The following CADM1 variants were observed in gnomAD, a reference collection of about 807,000 sequenced individuals.
The protein encoded by CADM1 is TSLC-1.
A neutral mutation model predicts 53.1 loss-of-function variants in CADM1; 15 were observed. That is an observed-to-expected ratio of 0.28 (90% CI 0.19 to 0.44). CADM1 has a LOEUF of 0.44. CADM1 is among the 20% of genes least tolerant of loss of function. The pLI is 1.00. For missense variants in CADM1, 434 were observed against 611.3 expected (o/e 0.71, Z 3.06); for synonymous variants, 281 against 243.0 (o/e 1.16, Z -1.45).
intron 1 of CADM1, among the ~76,000 whole-genome samples, chr11:115,334,814 G>C (rs1383405020): frequency 6.6e-6 from 1 of 152,078 alleles, no homozygotes. Context: ...CAGTGTAATA[G>C]GAAATATACA....
intron 1 of CADM1, among the ~76,000 whole-genome samples, chr11:115,295,481 T>C (rs1944026388): frequency 1.5e-5 from 2 of 137,804 alleles, no homozygotes; most frequent in African/African-American, 2.6e-5. Context: ...CTGCAATCCA[T>C]ACTATATGCT....
intron 5 of CADM1, 120 bp from the exon 6 acceptor site, chr11:115,218,111 A>G: frequency 2.8e-6 from 2 of 710,834 alleles, no homozygotes. Flanking sequence ...CGATGCCTTC[A>G]GTAACACCCT....
chr11:115,175,349 T>C lies in CADM1; in HGVS notation c.*1125A>G. 14 of 965,496 alleles carry C rather than the reference T, an allele frequency of 1.5e-5. No individual in the cohort carries two copies. The highest frequency in any genetic ancestry group is 1.7e-5 in the Non-Finnish European group (14 of 815,656). 59.8% of individuals were successfully genotyped at this position (965,496 alleles called of 1,614,324 possible). On this transcript the variant is annotated 3_prime_UTR_variant, in exon 12 of 12. Coordinates refer to ENST00000331581, the MANE Select transcript of CADM1 (RefSeq NM_001301043.2). The stretch of plus-strand genomic sequence containing the variant: ...TATACAGTACATGCAGGCCACATCC[T>C]ACTGCCTTCCTAACTAAGCACAAAG...
intron 1 of CADM1, among the ~76,000 whole-genome samples, chr11:115,264,736 T>C (rs7937516): frequency 0.03 from 4,559 of 152,264 alleles, 248 homozygotes; most frequent in African/African-American, 0.1. Flanking sequence ...TTAAGAACCA[T>C]TGTAACTGAT....
chr11:115,421,951 C>T lies in CADM1; in HGVS notation c.124+82320G>A, dbSNP rs146042348. Among the ~76,000 whole-genome samples the T allele has an allele frequency of 1.9e-3, 282 of 152,328 alleles. 1 individual carries two copies. Among genetic ancestry groups the T allele is most frequent in the African/African-American group, 6.4e-3 (267 of 41,574 alleles). On this transcript the variant is annotated intron_variant, in intron 1 of 11. Transcript: ENST00000331581. ...ATTAGGGCTTTGTCACAGATCCGCA[C>T]ACAGGCTTATGCCCTAAGGGTATGC...
intron 1 of CADM1, among the ~76,000 whole-genome samples, chr11:115,284,633 T>C (rs895774618): frequency 6.6e-6 from 1 of 152,160 alleles, no homozygotes. Flanking sequence ...GTTCCTCCTT[T>C]TCTATTTTTT....
intron 8 of CADM1, among the ~76,000 whole-genome samples, chr11:115,208,789 T>G (rs1940814824): frequency 6.6e-6 from 1 of 152,102 alleles, no homozygotes; most frequent in African/African-American, 2.4e-5. Context: ...AGAAACCCCA[T>G]GGCTCCCAGA....
intron 1 of CADM1, among the ~76,000 whole-genome samples, chr11:115,341,758 G>T (rs568402579): frequency 6.6e-6 from 1 of 152,280 alleles, no homozygotes; most frequent in Non-Finnish European, 1.5e-5. Context: ...ATAATATAAA[G>T]ATCCTTTTTT....
At chr11:115,380,472 C>T (rs11608105) in intron 1 of CADM1, among the ~76,000 whole-genome samples, 3,862 of 152,240 alleles carry the variant, frequency 0.025, 57 homozygotes, top group Non-Finnish European at 0.039. Context: ...TAATGATTAT[C>T]TGAGATGGAA....
At chr11:115,357,161 C>A (rs1945895974) in intron 1 of CADM1, among the ~76,000 whole-genome samples, 1 of 152,146 alleles carries the variant, frequency 6.6e-6, no homozygotes, top group Non-Finnish European at 1.5e-5. Flanking sequence ...CTTTCAGGAA[C>A]CCCAGCTAGA....
Position 115,251,462 on chromosome 11 carries a change from G to A in CADM1, c.125-11042C>T, listed in dbSNP as rs576395048. On this transcript the variant is annotated intron_variant, in intron 1 of 11. Transcript: ENST00000331581. ...AGAAACAGAAAATTGGGAAGTGGGA[G>A]GGGAGAGGTGTTTTATATTCTTATT... Among the ~76,000 whole-genome samples, 3 of 150,584 alleles carry A rather than the reference G, an allele frequency of 2.0e-5. No homozygotes were observed. The South Asian group carries it at 6.5e-4, about 32-fold the overall frequency.
intron 1 of CADM1, among the ~76,000 whole-genome samples, chr11:115,482,324 G>C (rs1373296540): frequency 6.6e-6 from 1 of 152,026 alleles, no homozygotes; most frequent in Non-Finnish European, 1.5e-5. Flanking sequence ...TATTTTTACT[G>C]TGTCCTGCAA....
At chr11:115,423,253 G>GT (rs1445877118) in intron 1 of CADM1, among the ~76,000 whole-genome samples, 1 of 152,060 alleles carries the variant, frequency 6.6e-6, no homozygotes, top group Admixed American at 6.6e-5. Flanking sequence ...TGATGTGACC[G>GT]TATTTACAAA....
At chr11:115,419,164 A>G (rs561943631) in intron 1 of CADM1, among the ~76,000 whole-genome samples, 1 of 152,302 alleles carries the variant, frequency 6.6e-6, no homozygotes, top group African/African-American at 2.4e-5. Context: ...TTATACTTAG[A>G]ATTTCCTTCC....
chr11:115,473,928 A>T (rs1949069893), intron 1 of CADM1, among the ~76,000 whole-genome samples: 1 of 152,158 alleles, frequency 6.6e-6, no homozygotes, highest in South Asian at 2.1e-4. Flanking sequence ...TATGCAAATC[A>T]TATATCTCAT....
chr11:115,419,187 T>C (rs1386007541), intron 1 of CADM1, among the ~76,000 whole-genome samples: 1 of 152,198 alleles, frequency 6.6e-6, no homozygotes, highest in Non-Finnish European at 1.5e-5. Context: ...TTTCAACCCA[T>C]CTTTATGCTG....
intron 6 of CADM1, 61 bp downstream of exon 6, chr11:115,217,831 T>C (rs1316835933): frequency 2.9e-6 from 3 of 1,018,724 alleles, no homozygotes; most frequent in Non-Finnish European, 4.7e-6. Context: ...TGAATGCACA[T>C]GTCTGTGTTG....
rs927489514 is a variant in CADM1 at position 115,272,423 on chromosome 11, A to G, written c.125-32003T>C. The stretch of plus-strand genomic sequence containing the variant: ...AGGTGTATATAAAAACTGTTTTCAT[A>G]TTTTAAAAGAAAAAAAACATTAGTT... On this transcript the variant is annotated intron_variant, in intron 1 of 11. Transcript: ENST00000331581. Among the ~76,000 whole-genome samples the G allele has an allele frequency of 5.3e-5, 8 of 152,204 alleles. 1 individual carries two copies. Among genetic ancestry groups the G allele is most frequent in the African/African-American group, 1.9e-4 (8 of 41,538 alleles).
At chr11:115,486,772 C>T (rs979859806) in intron 1 of CADM1, among the ~76,000 whole-genome samples, 12 of 152,164 alleles carry the variant, frequency 7.9e-5, no homozygotes, top group African/African-American at 2.7e-4. Flanking sequence ...ACATGGTTCT[C>T]CTCAACATGG....
Sources: gnomAD v4.1 joint callset for allele counts (sites outside exome capture counted in the v4.1 genomes callset) on GRCh38, gnomAD v4.1.1 for gene constraint, MANE v1.5 for transcripts, NCBI Gene and HGNC (gene_info 2026-07-23, HGNC 2026-07-21) for gene names.